Variants in APOO observed in about 807,000 individuals in gnomAD.
The protein encoded by APOO is MICOS complex subunit MIC26.
In APOO, 11 loss-of-function variants were observed where a neutral mutation model predicts 23.1. The ratio of observed to expected loss-of-function variants is 0.48; its 90% CI spans 0.30 to 0.79. APOO has a LOEUF of 0.79. APOO is among the 30% of genes least tolerant of loss of function. The probability of loss-of-function intolerance (pLI) is 0.07; values close to 1 mark genes in which losing one functional copy is unlikely to be tolerated. For synonymous variants in APOO, 59 were observed against 54.8 expected (o/e 1.08, Z -0.34); for missense variants, 160 against 142.7 (o/e 1.12, Z -0.62).
intron 7 of APOO, 178 bp from the exon 8 acceptor site, chrX:23,840,555 C>G (rs1344914439): frequency 5.9e-6 from 2 of 339,220 alleles, no homozygotes; most frequent in African/African-American, 5.5e-5. Context: ...CAATGAGATC[C>G]CACATTCTCG....
chrX:23,873,290 T>C (rs1925700182), intron 4 of APOO, among the ~76,000 whole-genome samples: 1 of 111,359 alleles, frequency 9.0e-6, no homozygotes, highest in Non-Finnish European at 1.9e-5. Flanking sequence ...AAGATGTTAC[T>C]TATTAACATG....
At chrX:23,850,063 T>C (rs1416580436) in intron 7 of APOO, among the ~76,000 whole-genome samples, 1 of 111,961 alleles carries the variant, frequency 8.9e-6, no homozygotes, top group East Asian at 2.8e-4. Flanking sequence ...CCACGTTCTT[T>C]GGAAATACAT....
At chrX:23,837,856 C>T (rs1923769965) in intron 8 of APOO, among the ~76,000 whole-genome samples, 3 of 105,322 alleles carry the variant, frequency 2.8e-5, no homozygotes, top group Admixed American at 1.0e-4. Flanking sequence ...GACAGGGTTT[C>T]GCCATATTGC....
At chrX:23,855,023 G>T (rs1048545524) in intron 7 of APOO, among the ~76,000 whole-genome samples, 18 of 106,327 alleles carry the variant, frequency 1.7e-4, no homozygotes, top group African/African-American at 3.8e-4. Flanking sequence ...AATTAGTGGG[G>T]TTTTTTTTCT....
At chrX:23,872,202 T>C (rs1347606521) in intron 4 of APOO, among the ~76,000 whole-genome samples, 2 of 111,242 alleles carry the variant, frequency 1.8e-5, no homozygotes, top group African/African-American at 6.5e-5. Flanking sequence ...GTTTTAAGAC[T>C]GTACGGAGTC....
rs753759281 is a variant in APOO, at chrX:23,881,443, G to A, written c.10-491C>T. Among the ~76,000 whole-genome samples, 3 of 105,956 alleles carry A rather than the reference G, an allele frequency of 2.8e-5. No individual in the cohort carries two copies. The East Asian group carries it at 8.9e-4, about 31-fold the overall frequency. 92.0% of individuals were successfully genotyped at this position (105,956 alleles called of 115,157 possible). Reference sequence around the variant, plus strand: ...TGTGCCTGTAGTCCCAGCTACTCAGGAGACTGAGGTGGGAGAACTCTTGAG... The same window carrying A: ...TGTGCCTGTAGTCCCAGCTACTCAGAAGACTGAGGTGGGAGAACTCTTGAG... On this transcript the variant is annotated intron_variant, in intron 1 of 8. Coordinates refer to ENST00000379226, the MANE Select transcript of APOO (RefSeq NM_024122.5).
intron 7 of APOO, among the ~76,000 whole-genome samples, chrX:23,848,228 G>A (rs1924347669): frequency 9.1e-6 from 1 of 109,443 alleles, no homozygotes; most frequent in South Asian, 3.9e-4. Flanking sequence ...GCAGTGACGC[G>A]ATCATGGCTC....
chrX:23,887,229 CTTTT>C (rs765596270), intron 1 of APOO, among the ~76,000 whole-genome samples: 5 of 54,211 alleles, frequency 9.2e-5, no homozygotes, highest in Admixed American at 3.3e-4. Flanking sequence ...TTCTTTTTCC[CTTTT>C]TTTTTTTTTT....
intron 6 of APOO, 115 bp from the exon 7 acceptor site, chrX:23,856,497 A>T: frequency 7.4e-6 from 4 of 539,402 alleles, no homozygotes; most frequent in Non-Finnish European, 1.2e-5. Flanking sequence ...TATGTTCATC[A>T]TAGCACTATG....
intron 1 of APOO, among the ~76,000 whole-genome samples, chrX:23,902,731 A>G (rs150648049): frequency 1.8e-5 from 2 of 112,040 alleles, no homozygotes; most frequent in East Asian, 5.6e-4. Context: ...GCACATAACT[A>G]GTCAGACACA....
At chrX:23,856,185 G>C (rs1449787676) in intron 7 of APOO, 117 bp downstream of exon 7, 3 of 759,124 alleles carry the variant, frequency 4.0e-6, no homozygotes, top group Admixed American at 2.9e-5. Context: ...GCTGGAGACA[G>C]AACTAGAAGC....
At chrX:23,896,252 A>C (rs1203526472) in intron 1 of APOO, among the ~76,000 whole-genome samples, 1 of 106,380 alleles carries the variant, frequency 9.4e-6, no homozygotes, top group African/African-American at 3.3e-5. Flanking sequence ...TGGGCAACAG[A>C]GTAAGACTCC....
At chrX:23,854,238 C>T (rs1173638716) in intron 7 of APOO, among the ~76,000 whole-genome samples, 1 of 112,086 alleles carries the variant, frequency 8.9e-6, no homozygotes, top group East Asian at 2.8e-4. Flanking sequence ...GAATTCTTAG[C>T]ACAGTCAGAG....
intron 4 of APOO, among the ~76,000 whole-genome samples, chrX:23,872,524 T>C (rs1359547954): frequency 1.0e-5 from 1 of 96,695 alleles, no homozygotes; most frequent in Non-Finnish European, 2.0e-5. Context: ...TGAGAATTTA[T>C]ATATATATAT....
chrX:23,889,809 C>T (rs1200527252), intron 1 of APOO, among the ~76,000 whole-genome samples: 1 of 109,308 alleles, frequency 9.1e-6, no homozygotes, highest in Non-Finnish European at 1.9e-5. Context: ...CTACAGGCAC[C>T]AGCCACCACG....
chrX:23,868,459 C>A lies in APOO; in HGVS notation c.388+134G>T, dbSNP rs112869326. The A allele has an allele frequency of 5.7e-3, 2,471 of 433,756 alleles. 51 individuals are homozygous for A. The highest frequency in any genetic ancestry group is 0.053 in the African/African-American group (2,144 of 40,465). The allele number at this position is 433,756 out of a possible 1,213,427, so 35.7% of individuals were successfully genotyped here. ...TAAAATCAAATATGATAACCATATC[C>A]ATTATACATTAAGAAAGCCGTATTT... On this transcript the variant is annotated intron_variant, in intron 5 of 8. Coordinates refer to ENST00000379226, the MANE Select transcript of APOO (RefSeq NM_024122.5).
At chrX:23,900,508 T>C (rs1927080969) in intron 1 of APOO, among the ~76,000 whole-genome samples, 1 of 109,005 alleles carries the variant, frequency 9.2e-6, no homozygotes, top group African/African-American at 3.3e-5. Flanking sequence ...ACCCCATCTC[T>C]AATAAAAATA....
chrX:23,854,813 G>A (rs968553813), intron 7 of APOO, among the ~76,000 whole-genome samples: 2 of 110,420 alleles, frequency 1.8e-5, no homozygotes, highest in Non-Finnish European at 3.8e-5. Flanking sequence ...ATGAGCCACC[G>A]CACCTGGCCG....
chrX:23,893,347 C>T (rs1204915264), intron 1 of APOO, among the ~76,000 whole-genome samples: 1 of 108,627 alleles, frequency 9.2e-6, no homozygotes, highest in Non-Finnish European at 1.9e-5. Flanking sequence ...CAGGAGAAAA[C>T]CTGGGAGGCG....
Sources: allele counts gnomAD v4.1 joint callset (sites outside exome capture counted in the v4.1 genomes callset), GRCh38; gene constraint gnomAD v4.1.1; transcripts MANE v1.5; gene names NCBI Gene and HGNC (gene_info 2026-07-23, HGNC 2026-07-21).